The following EPRS1 variants were observed in gnomAD, a reference collection of about 807,000 sequenced individuals.
EPRS1 encodes glutamyl-prolyl-tRNA synthetase 1.
In EPRS1, 107 loss-of-function variants were observed where a neutral mutation model predicts 188.3. The ratio of observed to expected loss-of-function variants is 0.57; its 90% CI spans 0.49 to 0.67. EPRS1 has a LOEUF of 0.67. EPRS1 is among the 30% of genes least tolerant of loss of function. The pLI, the probability that EPRS1 is intolerant of heterozygous loss-of-function variation, is 0.00. For synonymous variants in EPRS1, 596 were observed against 593.1 expected (o/e 1.00, Z -0.07); for missense variants, 1,577 against 1,802.2 (o/e 0.88, Z 2.26).
chr1:220,018,149 T>C, intron 12 of EPRS1: 2 of 1,365,622 alleles, frequency 1.5e-6, no homozygotes, highest in Non-Finnish European at 1.9e-6. Flanking sequence ...GCTCGCAGCT[T>C]GAAAGCAGAA....
intron 16 of EPRS1, among the ~76,000 whole-genome samples, chr1:220,002,203 G>A (rs1661366977): frequency 6.6e-6 from 1 of 151,756 alleles, no homozygotes; most frequent in Non-Finnish European, 1.5e-5. Flanking sequence ...ATGGTGGCGG[G>A]CGCCTGTAAT....
chr1:219,973,538 A>AG, intron 28 of EPRS1, 140 bp from the exon 29 acceptor site: 1 of 529,058 alleles, frequency 1.9e-6, no homozygotes, highest in Non-Finnish European at 3.2e-6. Flanking sequence ...AGAGAAAAAA[A>AG]AAAAACAGGT....
At chr1:219,996,577 T>C (rs1199201270) in intron 18 of EPRS1, among the ~76,000 whole-genome samples, 1 of 152,240 alleles carries the variant, frequency 6.6e-6, no homozygotes, top group African/African-American at 2.4e-5. Context: ...TTGAGAACCA[T>C]GGTTCCACAC....
rs1300614743 is a variant in EPRS1 at position 219,980,840 on chromosome 1, A to G, written c.3471T>C (p.His1157=). 1.2e-6 allele frequency: 2 copies of G among 1,612,184 alleles called. No homozygotes were observed. The highest frequency in any genetic ancestry group is 2.2e-5 in the South Asian group (2 of 90,712). The change falls in exon 25 of 32, where the codon CAT becomes CAC. Residue 1157 remains histidine, a synonymous_variant. Coordinates refer to ENST00000366923, the MANE Select transcript of EPRS1 (RefSeq NM_004446.3). The stretch of plus-strand genomic sequence containing the variant: ...CACGAGTACGTAGGAAAGGCTGAGG[A>G]TGCTTGAATTCCCAACGCTGGAAGA... The part of the protein sequence containing the change: ...WCNVVRWEFK[H]PQPFLRTREF...
chr1:220,043,507 G>A (rs372747802), intron 1 of EPRS1, among the ~76,000 whole-genome samples: 6 of 152,264 alleles, frequency 3.9e-5, no homozygotes, highest in South Asian at 4.1e-4. Flanking sequence ...AGTTAGGCAG[G>A]AAGTATCAAT....
At chr1:220,007,924 G>A (rs1374452749) in intron 13 of EPRS1, among the ~76,000 whole-genome samples, 4 of 152,066 alleles carry the variant, frequency 2.6e-5, no homozygotes, top group Admixed American at 2.0e-4. Context: ...TGGCTAACAC[G>A]GTGAAACCCC....
At chr1:220,036,085 A>C (rs1472854616) in intron 2 of EPRS1, among the ~76,000 whole-genome samples, 2 of 152,184 alleles carry the variant, frequency 1.3e-5, no homozygotes, top group Non-Finnish European at 2.9e-5. Context: ...TTATAATCCC[A>C]GCTACTCAGG....
At chr1:220,032,190 T>G (rs1662097517) in intron 5 of EPRS1, among the ~76,000 whole-genome samples, 197 bp downstream of exon 5, 2 of 151,478 alleles carry the variant, frequency 1.3e-5, no homozygotes, top group South Asian at 4.2e-4. Context: ...TTCTCCTGCC[T>G]CAGCCTCCCG....
At chr1:220,027,847 T>G (rs1209012494) in intron 6 of EPRS1, among the ~76,000 whole-genome samples, 4 of 151,354 alleles carry the variant, frequency 2.6e-5, no homozygotes, top group Non-Finnish European at 5.9e-5. Context: ...AATTAATTAA[T>G]TAATTAAAAA....
At chr1:219,988,930 A>G in intron 18 of EPRS1, 107 bp from the exon 19 acceptor site, 1 of 652,696 alleles carries the variant, frequency 1.5e-6, no homozygotes, top group Non-Finnish European at 2.6e-6. Context: ...CCATAAGTTA[A>G]TCATGGGGAA....
At chr1:219,999,759 A>G (rs567168742) in intron 17 of EPRS1, among the ~76,000 whole-genome samples, 25 of 152,236 alleles carry the variant, frequency 1.6e-4, no homozygotes, top group Middle Eastern at 3.4e-3. Context: ...AGATCACCTG[A>G]GGTAAGGAGT....
intron 15 of EPRS1, among the ~76,000 whole-genome samples, chr1:220,005,841 G>GGGTTT (rs1661455671): frequency 5.1e-5 from 1 of 19,498 alleles, no homozygotes; most frequent in Non-Finnish European, 1.6e-4. Context: ...TTTTTTTTTT[G>GGGTTT]TTTTTTTTTG....
chr1:220,008,765 G>A (rs1614719), intron 13 of EPRS1, among the ~76,000 whole-genome samples: 131,255 of 151,964 alleles, frequency 0.86, 57,107 homozygotes, highest in African/African-American at 0.97. Flanking sequence ...GTCACAGCTC[G>A]CTGCAGCCTT....
At chr1:220,002,992 G>A (rs2647425) in intron 16 of EPRS1, among the ~76,000 whole-genome samples, 95,526 of 152,056 alleles carry the variant, frequency 0.63, 31,893 homozygotes, top group Non-Finnish European at 0.75. Context: ...TGGCAAATAC[G>A]CAGGAATGGA....
At chr1:220,004,322 T>C (rs935166677) in intron 16 of EPRS1, among the ~76,000 whole-genome samples, 3 of 152,172 alleles carry the variant, frequency 2.0e-5, no homozygotes, top group African/African-American at 7.2e-5. Context: ...GCATAAGTCA[T>C]AGTGGCTGCC....
intron 8 of EPRS1, among the ~76,000 whole-genome samples, chr1:220,023,834 T>C (rs1015919722): frequency 6.6e-6 from 1 of 152,148 alleles, no homozygotes; most frequent in Non-Finnish European, 1.5e-5. Context: ...CTAAGACAAA[T>C]GAGTCATATA....
At chr1:220,018,875 T>G in intron 11 of EPRS1, 120 bp downstream of exon 11, 1 of 580,848 alleles carries the variant, frequency 1.7e-6, no homozygotes, top group Non-Finnish European at 2.8e-6. Flanking sequence ...AATCTGCCCT[T>G]GGATCATAAG....
chr1:220,025,275 T>G lies in EPRS1; in HGVS notation c.624-17A>C. 6.4e-7 allele frequency: 1 copy of G among 1,573,590 alleles called. No individual in the cohort carries two copies. Among genetic ancestry groups the G allele is most frequent in the Middle Eastern group, 1.7e-4 (1 of 5,754 alleles). ...TGTAAGTAACTAAAACAAAAACATT[T>G]CACAAAGAAACTCATTAACATGTTT... is the stretch of plus-strand genomic sequence containing the variant. On this transcript the variant is annotated splice_polypyrimidine_tract_variant and intron_variant, in intron 6 of 31. Coordinates refer to ENST00000366923, the MANE Select transcript of EPRS1 (RefSeq NM_004446.3).
At chr1:220,036,231 G>A (rs1303929542) in intron 2 of EPRS1, among the ~76,000 whole-genome samples, 3 of 152,138 alleles carry the variant, frequency 2.0e-5, no homozygotes, top group Non-Finnish European at 2.9e-5. Context: ...CACACTGTTG[G>A]TGGGAGTGTA....
Sources: gnomAD v4.1 joint callset for allele counts (sites outside exome capture counted in the v4.1 genomes callset) on GRCh38, gnomAD v4.1.1 for gene constraint, MANE v1.5 for transcripts, NCBI Gene and HGNC (gene_info 2026-07-23, HGNC 2026-07-21) for gene names.